Variants in PCDH9 observed in about 807,000 individuals in gnomAD.
PCDH9 encodes the protein protocadherin-9.
A neutral mutation model predicts 70.6 loss-of-function variants in PCDH9; 24 were observed. The ratio of observed to expected loss-of-function variants is 0.34; its 90% CI spans 0.25 to 0.48. The LOEUF (loss-of-function observed/expected upper bound fraction) is 0.48, where lower values mean the gene tolerates loss of function less well. Ranked by LOEUF, PCDH9 falls within the 20% of genes least tolerant of loss-of-function variation. PCDH9 has a pLI of 0.99. For synonymous variants in PCDH9, 562 were observed against 558.5 expected (o/e 1.01, Z -0.09); for missense variants, 1,281 against 1,503.6 (o/e 0.85, Z 2.45).
chr13:66,630,354 T>C (rs2077553805), intron 4 of PCDH9, among the ~76,000 whole-genome samples: 1 of 152,084 alleles, frequency 6.6e-6, no homozygotes, highest in South Asian at 2.1e-4. Flanking sequence ...TTAAGTAAAA[T>C]AGAAATTACA....
intron 4 of PCDH9, among the ~76,000 whole-genome samples, chr13:66,503,052 T>C (rs1158300998): frequency 6.6e-6 from 1 of 152,002 alleles, no homozygotes; most frequent in African/African-American, 2.4e-5. Flanking sequence ...CAGTCCAGGA[T>C]GGGGGGAGGA....
intron 3 of PCDH9, among the ~76,000 whole-genome samples, chr13:66,788,553 G>T (rs2080114043): frequency 6.6e-6 from 1 of 151,588 alleles, no homozygotes; most frequent in Non-Finnish European, 1.5e-5. Flanking sequence ...CTAATATTAG[G>T]TTTTGGAATT....
At chr13:67,142,036 G>A (rs1043542037) in intron 2 of PCDH9, among the ~76,000 whole-genome samples, 1 of 152,008 alleles carries the variant, frequency 6.6e-6, no homozygotes, top group African/African-American at 2.4e-5. Flanking sequence ...AAATACTGTG[G>A]TGGTGTTGGT....
intron 4 of PCDH9, among the ~76,000 whole-genome samples, chr13:66,391,696 A>G (rs545134898): frequency 2.0e-5 from 3 of 152,098 alleles, no homozygotes; most frequent in African/African-American, 7.2e-5. Flanking sequence ...CTTATACCAT[A>G]GAAGTCTTAG....
chr13:66,973,026 T>A (rs2083552200), intron 2 of PCDH9, among the ~76,000 whole-genome samples: 1 of 152,012 alleles, frequency 6.6e-6, no homozygotes, highest in Non-Finnish European at 1.5e-5. Flanking sequence ...AGTATATCCA[T>A]CTTCTTTCCA....
At chr13:66,345,491 T>A (rs1028454664) in intron 4 of PCDH9, among the ~76,000 whole-genome samples, 45 of 152,102 alleles carry the variant, frequency 3.0e-4, no homozygotes, top group Admixed American at 2.8e-3. Context: ...ATTTCCACAG[T>A]ACATCCCTCT....
At chr13:66,627,339 A>C (rs1458485698) in intron 4 of PCDH9, among the ~76,000 whole-genome samples, 2 of 152,296 alleles carry the variant, frequency 1.3e-5, no homozygotes, top group South Asian at 4.1e-4. Context: ...ATTGCTAGAG[A>C]TGATTACTTC....
chr13:66,619,126 A>G (rs1221166354), intron 4 of PCDH9, among the ~76,000 whole-genome samples: 1 of 152,156 alleles, frequency 6.6e-6, no homozygotes, highest in Admixed American at 6.5e-5. Context: ...TTATATCAAT[A>G]GCTTAACTAC....
intron 4 of PCDH9, among the ~76,000 whole-genome samples, chr13:66,448,499 T>C (rs975485433): frequency 1.3e-5 from 2 of 152,182 alleles, no homozygotes; most frequent in East Asian, 3.8e-4. Flanking sequence ...ATCCTAGGAT[T>C]AAAGAGACTG....
chr13:66,536,352 T>C (rs1285609835), intron 4 of PCDH9, among the ~76,000 whole-genome samples: 1 of 152,054 alleles, frequency 6.6e-6, no homozygotes, highest in African/African-American at 2.4e-5. Flanking sequence ...ACAAAAACAA[T>C]CAAAACAACC....
intron 4 of PCDH9, among the ~76,000 whole-genome samples, chr13:66,554,975 G>T (rs1439936892): frequency 6.6e-6 from 1 of 152,092 alleles, no homozygotes; most frequent in East Asian, 1.9e-4. Context: ...TTCAAGACCA[G>T]CCTGACCAAC....
chr13:66,792,704 C>A (rs2080181740), intron 3 of PCDH9, among the ~76,000 whole-genome samples: 2 of 151,966 alleles, frequency 1.3e-5, no homozygotes, highest in Non-Finnish European at 2.9e-5. Context: ...CCAAGAAAAC[C>A]CACCAAATCT....
At chr13:67,018,140 A>G (rs2084599306) in intron 2 of PCDH9, among the ~76,000 whole-genome samples, 1 of 152,202 alleles carries the variant, frequency 6.6e-6, no homozygotes, top group Non-Finnish European at 1.5e-5. Context: ...ATGAGTCTCA[A>G]ATTCATTCAG....
chr13:66,408,258 C>G (rs1957316151), intron 4 of PCDH9, among the ~76,000 whole-genome samples: 2 of 152,022 alleles, frequency 1.3e-5, no homozygotes, highest in African/African-American at 4.8e-5. Context: ...CGGGGTTTCA[C>G]CTTGTTAGCC....
intron 3 of PCDH9, among the ~76,000 whole-genome samples, chr13:66,779,873 A>ACATCTATGTGTG (rs1555268249): frequency 8.6e-6 from 1 of 115,878 alleles, no homozygotes; most frequent in Non-Finnish European, 1.7e-5. Context: ...ATATACATAT[A>ACATCTATGTGTG]TGTGTGTGTG....
intron 2 of PCDH9, among the ~76,000 whole-genome samples, chr13:67,093,171 T>C (rs546735863): frequency 1.3e-5 from 2 of 152,242 alleles, no homozygotes; most frequent in Admixed American, 6.5e-5. Context: ...AAGAGCAAAA[T>C]AGATCAGGTG....
At chr13:66,653,201 G>T (rs1190383804) in intron 3 of PCDH9, among the ~76,000 whole-genome samples, 2 of 152,028 alleles carry the variant, frequency 1.3e-5, no homozygotes, top group Non-Finnish European at 2.9e-5. Context: ...TTCCTTTGTT[G>T]TCTAACAAAG....
chr13:66,788,731 CA>C (rs994019507), intron 3 of PCDH9, among the ~76,000 whole-genome samples: 2 of 100,644 alleles, frequency 2.0e-5, no homozygotes, highest in Non-Finnish European at 2.0e-5. Context: ...CAAAATAAAA[CA>C]AAAAAAATCC....
At chr13:66,435,846 T>C (rs1156619408) in intron 4 of PCDH9, among the ~76,000 whole-genome samples, 1 of 152,144 alleles carries the variant, frequency 6.6e-6, no homozygotes, top group Non-Finnish European at 1.5e-5. Flanking sequence ...GAGATTACAA[T>C]GGGAGCCAGC....
Sources: allele counts gnomAD v4.1 joint callset (sites outside exome capture counted in the v4.1 genomes callset), GRCh38; gene constraint gnomAD v4.1.1; transcripts MANE v1.5; gene names NCBI Gene and HGNC (gene_info 2026-07-23, HGNC 2026-07-21).